STK4: variants seen among roughly 807,000 people sequenced by gnomAD.
The protein encoded by STK4 is serine/threonine-protein kinase 4.
In STK4, 30 loss-of-function variants were observed where a neutral mutation model predicts 64.9. That is an observed-to-expected ratio of 0.46 (90% CI 0.35 to 0.63). The LOEUF (loss-of-function observed/expected upper bound fraction) is 0.63. Among genes scored for constraint, STK4 ranks in the 20% least tolerant of loss-of-function variants. The probability of loss-of-function intolerance (pLI) is 0.01; values close to 1 mark genes in which losing one functional copy is unlikely to be tolerated. For synonymous variants in STK4, 177 were observed against 199.0 expected (o/e 0.89, Z 0.93); for missense variants, 466 against 598.5 (o/e 0.78, Z 2.31).
rs572224776 is a variant in STK4, at chr20:44,977,526, G to T, written c.117-917G>T. Among the ~76,000 whole-genome samples, 127 of 152,154 alleles carry T rather than the reference G, an allele frequency of 8.3e-4. 1 individual carries two copies. Among genetic ancestry groups the T allele is most frequent in the South Asian group, 4.2e-3 (20 of 4,816 alleles). On this transcript the variant is annotated intron_variant, in intron 2 of 10. Transcript: ENST00000372806. ...ATAAAGTGATGATGGTATCTCATTT[G>T]ACCATCACAAATGAGATACCATCAC...
rs1339118967 is a variant in STK4, at chr20:45,076,950, T to C, written c.*1774T>C. 1.3e-5 allele frequency: 2 copies of C among 152,306 alleles called. No homozygotes were observed. The highest frequency in any genetic ancestry group is 3.9e-4 in the East Asian group (2 of 5,184). 9.4% of individuals were successfully genotyped at this position (152,306 alleles called of 1,614,324 possible). A position where few individuals can be genotyped will look rare whatever the true frequency, so the allele number is the denominator to read the frequency against. On this transcript the variant is annotated 3_prime_UTR_variant, in exon 11 of 11. Transcript: ENST00000372806. This position sits in a 1 kb window ranked among gnomAD's most constrained non-coding sequence, Gnocchi z 4.0. ...GGCGGATACGGAAAACAGAGGACAATTTGAGGATCTTGCTGGAATAATAAA... is the reference window on the plus strand; with the variant it reads ...GGCGGATACGGAAAACAGAGGACAACTTGAGGATCTTGCTGGAATAATAAA...
Position 45,050,823 on chromosome 20 carries a change from A to C in STK4, c.1306-24195A>C, listed in dbSNP as rs561340764. 7.2e-5 allele frequency among the ~76,000 whole-genome samples: 11 copies of C among 152,006 alleles called. No individual in the cohort carries two copies. The South Asian group carries it at 2.3e-3, about 32-fold the overall frequency. On this transcript the variant is annotated intron_variant, in intron 10 of 10. Transcript: ENST00000372806. Reference sequence around the variant, plus strand: ...TATGTCATCTTTGGGAAAGTTTTTCACATTCTAAGATTACAAAAATATTAA... The same window carrying C: ...TATGTCATCTTTGGGAAAGTTTTTCCCATTCTAAGATTACAAAAATATTAA...
At chr20:45,052,729 T>C (rs779989664) in intron 10 of STK4, among the ~76,000 whole-genome samples, 1 of 152,210 alleles carries the variant, frequency 6.6e-6, no homozygotes, top group Non-Finnish European at 1.5e-5. Context: ...TGCCACCACC[T>C]TTCTGGACAA....
intron 9 of STK4, chr20:45,004,471 A>T (rs1601245914): frequency 6.6e-6 from 1 of 152,098 alleles, no homozygotes; most frequent in African/African-American, 2.4e-5. Context: ...AAATAAAAAA[A>T]AAATAATCTT....
At chr20:45,031,821 C>T (rs376623760) in intron 10 of STK4, among the ~76,000 whole-genome samples, 49 of 148,014 alleles carry the variant, frequency 3.3e-4, no homozygotes, top group African/African-American at 1.2e-3. Flanking sequence ...AGAAGAATTG[C>T]TTGAACCCAG....
chr20:45,031,805 C>T (rs535772896), intron 10 of STK4, among the ~76,000 whole-genome samples: 7 of 149,206 alleles, frequency 4.7e-5, no homozygotes, highest in Admixed American at 2.7e-4. Context: ...CTCAGGGGGC[C>T]GAGGCAGAAG....
chr20:45,005,647 C>CAAAA (rs1214893882), intron 9 of STK4, among the ~76,000 whole-genome samples: 11 of 65,662 alleles, frequency 1.7e-4, no homozygotes, highest in Non-Finnish European at 2.2e-4. Context: ...GACTCTGTCT[C>CAAAA]AAAAAAAAAA....
Position 44,995,169 on chromosome 20 carries a change from A to G in STK4, c.605A>G (p.Asn202Ser). ...GAAGTGATTCAGGAAATTGGATACA[A>G]CTGTGTAGCAGACATCTGGTCCCTG... ...APEVIQEIGYNCVADIWSLGI... is the reference protein window; with the variant it reads ...APEVIQEIGYSCVADIWSLGI... The change falls in exon 6 of 11, where the codon AAC becomes AGC. Residue 202 changes from asparagine (N) to serine (S), a missense_variant. Physicochemically the swap from Asn to Ser is conservative, Grantham distance 46 (BLOSUM62 1). Coordinates refer to ENST00000372806, the MANE Select transcript of STK4 (RefSeq NM_006282.5). 6.2e-7 allele frequency: 1 copy of G among 1,614,060 alleles called. No homozygotes were observed. The highest frequency in any genetic ancestry group is 2.2e-5 in the East Asian group (1 of 44,872).
intron 10 of STK4, among the ~76,000 whole-genome samples, chr20:45,046,163 C>T (rs183478591): frequency 6.7e-4 from 102 of 151,608 alleles, no homozygotes; most frequent in African/African-American, 2.0e-3. Flanking sequence ...TTTTGGTTTT[C>T]GCCAGGTGCA....
chr20:44,966,562 C>T lies in STK4; in HGVS notation c.-7C>T. 1 of 1,265,794 alleles carries T rather than the reference C, an allele frequency of 7.9e-7. No homozygotes were observed. Among genetic ancestry groups the T allele is most frequent in the South Asian group, 3.2e-5 (1 of 31,200 alleles). The allele number at this position is 1,265,794 out of a possible 1,614,324, so 78.4% of individuals were successfully genotyped here. A position where few individuals can be genotyped will look rare whatever the true frequency, so the allele number is the denominator to read the frequency against. On this transcript the variant is annotated 5_prime_UTR_variant, in exon 1 of 11. Transcript: ENST00000372806. Reference sequence around the variant, plus strand: ...GTGAGCGGGTCTGGGCGGCTGCTGGCAGCGCCATGGAGACGGTACAGCTGA... The same window carrying T: ...GTGAGCGGGTCTGGGCGGCTGCTGGTAGCGCCATGGAGACGGTACAGCTGA...
Position 45,077,395 on chromosome 20 carries a change from CTCTT to C in STK4, c.*2225_*2228del, listed in dbSNP as rs1980596595. On this transcript the variant is annotated 3_prime_UTR_variant, in exon 11 of 11. Transcript: ENST00000372806. ...CGAATTAATAGTTCTGTCTCTCTCT[CTCTT>C]TCTTTTTTCTTTTTATTCTTTGAGA... 2.0e-5 allele frequency: 3 copies of C among 152,116 alleles called. No individual in the cohort carries two copies. The highest frequency in any genetic ancestry group is 4.4e-5 in the Non-Finnish European group (3 of 68,038). The allele number at this position is 152,116 out of a possible 1,614,324, so 9.4% of individuals were successfully genotyped here.
intron 10 of STK4, among the ~76,000 whole-genome samples, chr20:45,058,070 C>G (rs1600552539): frequency 1.3e-5 from 2 of 151,930 alleles, no homozygotes; most frequent in Admixed American, 1.3e-4. Flanking sequence ...CACACACACA[C>G]ACACACACAC....
At chr20:44,971,309 G>C (rs1292145545) in intron 1 of STK4, among the ~76,000 whole-genome samples, 1 of 152,162 alleles carries the variant, frequency 6.6e-6, no homozygotes, top group Non-Finnish European at 1.5e-5. Context: ...TCAAAGGTAT[G>C]TATCTACTCA....
At chr20:45,066,437 G>A (rs1360699074) in intron 10 of STK4, among the ~76,000 whole-genome samples, 2 of 152,192 alleles carry the variant, frequency 1.3e-5, no homozygotes, top group African/African-American at 2.4e-5. Context: ...CACGCACGAT[G>A]TACTGAGTCT....
intron 4 of STK4, 79 bp from the exon 5 acceptor site, chr20:44,987,053 G>A: frequency 8.2e-7 from 1 of 1,218,690 alleles, no homozygotes; most frequent in Non-Finnish European, 1.1e-6. Context: ...TTAAAGAAAG[G>A]TTTGGATCTG....
At chr20:44,990,731 C>G (rs375050149) in intron 5 of STK4, among the ~76,000 whole-genome samples, 32 of 152,122 alleles carry the variant, frequency 2.1e-4, no homozygotes, top group African/African-American at 6.8e-4. Context: ...GAGAGTACAC[C>G]TCCAGTCTAA....
chr20:44,997,179 T>C lies in STK4; in HGVS notation c.704T>C (p.Met235Thr), dbSNP rs370157810. 1 of 1,613,810 alleles carries C rather than the reference T, an allele frequency of 6.2e-7. No individual in the cohort carries two copies. The highest frequency in any genetic ancestry group is 1.3e-5 in the African/African-American group (1 of 74,922). The change falls in exon 7 of 11, where the codon ATG becomes ACG. Residue 235 changes from methionine to threonine, a missense_variant. Around this residue, in one of 2 missense-constraint regions of STK4, gnomAD observed 190 missense variants for 289.7 expected, o/e 0.66. Transcript: ENST00000372806. ...ADIHPMRAIF[M>T]IPTNPPPTFR... ...GTTTGTTCTAACCAGGCAATCTTCA[T>C]GATTCCTACAAATCCTCCTCCCACA...
intron 4 of STK4, among the ~76,000 whole-genome samples, chr20:44,984,045 A>G (rs2067485973): frequency 6.6e-6 from 1 of 151,696 alleles, no homozygotes. Context: ...CATTAAGTCA[A>G]TTTATTTCAG....
intron 9 of STK4, among the ~76,000 whole-genome samples, chr20:45,023,692 A>G (rs1386390793): frequency 2.0e-5 from 3 of 152,010 alleles, no homozygotes; most frequent in Non-Finnish European, 4.4e-5. Flanking sequence ...TGCTCTTGTT[A>G]CTAATAACTA....
Sources: allele counts gnomAD v4.1 joint callset (sites outside exome capture counted in the v4.1 genomes callset), GRCh38; gene constraint gnomAD v4.1.1; regional missense constraint gnomAD v4.1.1; non-coding constraint Gnocchi (gnomAD v3.1); transcripts MANE v1.5; gene names NCBI Gene and HGNC (gene_info 2026-07-23, HGNC 2026-07-21).